The following ATP13A3 variants were observed in gnomAD, a reference collection of about 807,000 sequenced individuals.
The protein encoded by ATP13A3 is polyamine-transporting ATPase 13A3.
Under a neutral mutation model 158.1 loss-of-function variants are expected in ATP13A3, and 59 were observed. That is an observed-to-expected ratio of 0.37 (90% CI 0.30 to 0.46). The LOEUF (loss-of-function observed/expected upper bound fraction) is 0.46, where lower values mean the gene tolerates loss of function less well. Ranked by LOEUF, ATP13A3 falls within the 20% of genes least tolerant of loss-of-function variation. The probability of loss-of-function intolerance (pLI) is 1.00; values close to 1 mark genes in which losing one functional copy is unlikely to be tolerated. For missense variants in ATP13A3, 1,166 were observed against 1,525.2 expected (o/e 0.76, Z 3.92); for synonymous variants, 491 against 504.3 (o/e 0.97, Z 0.35).
intron 31 of ATP13A3, among the ~76,000 whole-genome samples, chr3:194,414,657 T>A (rs1715687073): frequency 6.6e-6 from 1 of 151,966 alleles, no homozygotes; most frequent in South Asian, 2.1e-4. Flanking sequence ...ACTGAAAGAA[T>A]CTAACAAATG....
chr3:194,429,959 A>T, intron 26 of ATP13A3, 113 bp downstream of exon 26: 1 of 1,056,150 alleles, frequency 9.5e-7, no homozygotes, highest in Non-Finnish European at 1.4e-6. Flanking sequence ...TACAGCTCAA[A>T]TGTGCTAATC....
intron 20 of ATP13A3, among the ~76,000 whole-genome samples, chr3:194,435,981 CTT>C (rs1207153592): frequency 5.9e-5 from 9 of 152,180 alleles, no homozygotes. Flanking sequence ...CATCCACTGT[CTT>C]ATCCCCTAGC....
intron 33 of ATP13A3, 43 bp downstream of exon 33, chr3:194,412,156 C>G: frequency 6.9e-7 from 1 of 1,443,050 alleles, no homozygotes; most frequent in Non-Finnish European, 9.4e-7. Context: ...AGCAGAGAGC[C>G]TAGAGAGGCA....
At chr3:194,426,993 T>G (rs1250742689) in intron 29 of ATP13A3, 82 bp downstream of exon 29, 59 of 1,477,440 alleles carry the variant, frequency 4.0e-5, no homozygotes, top group Non-Finnish European at 5.4e-5. Context: ...CACAAACTTT[T>G]ATATTAACTT....
intron 28 of ATP13A3, among the ~76,000 whole-genome samples, chr3:194,427,465 T>C (rs1716872086): frequency 6.6e-6 from 1 of 151,968 alleles, no homozygotes; most frequent in Admixed American, 6.6e-5. Context: ...GCCTCAGGAA[T>C]AATTTTTACA....
chr3:194,460,075 A>C lies in ATP13A3; in HGVS notation c.226-104T>G. 3.2e-6 allele frequency: 3 copies of C among 950,354 alleles called. No homozygotes were observed. In the African/African-American group the frequency reaches 5.0e-5, roughly 16 times the overall value. The allele number at this position is 950,354 out of a possible 1,614,324, so 58.9% of individuals were successfully genotyped here. On this transcript the variant is annotated intron_variant, in intron 4 of 33. Coordinates refer to ENST00000645319, the MANE Select transcript of ATP13A3 (RefSeq NM_001367549.1). ...TACAAGACATTATTTCCTCATCTCT[A>C]ATTGAGGAAACATCACGCCTACTCA...
At chr3:194,487,945 G>C (rs1721073765), upstream of ATP13A3, 1 of 152,384 alleles carries the variant, frequency 6.6e-6, no homozygotes, top group South Asian at 2.1e-4. Context: ...TTAGTCCCTG[G>C]ACACTTACCA....
At position 194,414,200 on chromosome 3, in the gene ATP13A3, T is replaced by C. The variant is rs185178523; in HGVS notation, c.3403-361A>G. On this transcript the variant is annotated intron_variant, in intron 31 of 33. Transcript: ENST00000645319. ...GGTACCAGCCAGGCACAGTGGCTCATGCCTGTGATCCCAACATCTTGGGAG... is the reference window on the plus strand; with the variant it reads ...GGTACCAGCCAGGCACAGTGGCTCACGCCTGTGATCCCAACATCTTGGGAG... Among the ~76,000 whole-genome samples the C allele has an allele frequency of 2.6e-5, 4 of 152,274 alleles. No individual in the cohort carries two copies. In the East Asian group the frequency reaches 5.8e-4, roughly 22 times the overall value.
Position 194,409,693 on chromosome 3 carries a change from A to ATTTTTTT in ATP13A3, c.3573+2499_3573+2505dup, listed in dbSNP as rs71179358. Among the ~76,000 whole-genome samples the ATTTTTTT allele has an allele frequency of 2.4e-3, 224 of 93,974 alleles. 36 individuals are homozygous for ATTTTTTT. The highest frequency in any genetic ancestry group is 0.01 in the African/African-American group (213 of 20,330). 61.7% of individuals were successfully genotyped at this position (93,974 alleles called of 152,430 possible). A position where few individuals can be genotyped will look rare whatever the true frequency, so the allele number is the denominator to read the frequency against. ...TGCTTGATAATCACTGACGTAAAGA[A>ATTTTTTT]TTTTTTTTTTTTTTTTTTTTTTTTT... is the stretch of plus-strand genomic sequence containing the variant. On this transcript the variant is annotated intron_variant, in intron 33 of 33. Coordinates refer to ENST00000645319, the MANE Select transcript of ATP13A3 (RefSeq NM_001367549.1).
chr3:194,413,885 A>G, intron 31 of ATP13A3, 46 bp from the exon 32 acceptor site: 1 of 1,465,796 alleles, frequency 6.8e-7, no homozygotes, highest in Non-Finnish European at 9.6e-7. Context: ...GTATGTAGTC[A>G]ATATTATAGC....
chr3:194,454,599 C>T (rs575303923), intron 8 of ATP13A3, among the ~76,000 whole-genome samples: 7 of 149,960 alleles, frequency 4.7e-5, no homozygotes, highest in Non-Finnish European at 7.4e-5. Context: ...GAGGCCAAGG[C>T]GGGCGGATCA....
chr3:194,433,184 A>T (rs1423564888), intron 21 of ATP13A3, among the ~76,000 whole-genome samples: 1 of 149,546 alleles, frequency 6.7e-6, no homozygotes, highest in Non-Finnish European at 1.5e-5. Flanking sequence ...TAAAGAGAGA[A>T]AACAAAAAGG....
intron 2 of ATP13A3, among the ~76,000 whole-genome samples, chr3:194,462,790 C>G (rs1384490330): frequency 6.6e-6 from 1 of 152,216 alleles, no homozygotes; most frequent in African/African-American, 2.4e-5. Flanking sequence ...GTTCTAATGA[C>G]ATTTTCAATG....
chr3:194,438,750 G>T, intron 17 of ATP13A3, 106 bp downstream of exon 17: 2 of 656,956 alleles, frequency 3.0e-6, no homozygotes, highest in Non-Finnish European at 4.6e-6. Context: ...ACCAGCCTGG[G>T]CAACATAGCA....
At chr3:194,453,906 C>T (rs1719005236) in intron 9 of ATP13A3, 128 bp from the exon 10 acceptor site, 1 of 711,220 alleles carries the variant, frequency 1.4e-6, no homozygotes, top group African/African-American at 1.8e-5. Context: ...AATGTCGAGT[C>T]AGAAATTCAG....
At chr3:194,475,707 A>T (rs891470349) in intron 2 of ATP13A3, among the ~76,000 whole-genome samples, 9 of 151,964 alleles carry the variant, frequency 5.9e-5, no homozygotes, top group African/African-American at 4.8e-5. Flanking sequence ...TCCAGGATTT[A>T]AAAAAAACCA....
At chr3:194,454,470 A>G in intron 8 of ATP13A3, 78 bp from the exon 9 acceptor site, 2 of 1,360,478 alleles carry the variant, frequency 1.5e-6, no homozygotes, top group South Asian at 2.5e-5. Context: ...CATTTGACAA[A>G]CAAAAAGATA....
chr3:194,421,163 A>ATAC (rs1716333155), intron 30 of ATP13A3, among the ~76,000 whole-genome samples: 2 of 73,642 alleles, frequency 2.7e-5, no homozygotes, highest in Non-Finnish European at 4.6e-5. Flanking sequence ...ATATATATAT[A>ATAC]TATATAGTTT....
chr3:194,435,781 C>A (rs941438584), intron 20 of ATP13A3, among the ~76,000 whole-genome samples: 12 of 152,258 alleles, frequency 7.9e-5, no homozygotes, highest in African/African-American at 2.9e-4. Context: ...GTGGTGTGCA[C>A]CTGTAGTTCC....
Sources: gnomAD v4.1 joint callset for allele counts (sites outside exome capture counted in the v4.1 genomes callset) on GRCh38, gnomAD v4.1.1 for gene constraint, MANE v1.5 for transcripts, NCBI Gene and HGNC (gene_info 2026-07-23, HGNC 2026-07-21) for gene names.